HLCS: variants seen among roughly 807,000 people sequenced by gnomAD.
The protein encoded by HLCS is holocarboxylase synthetase.
A neutral mutation model predicts 75.0 loss-of-function variants in HLCS; 53 were observed. The ratio of observed to expected loss-of-function variants is 0.71; its 90% CI spans 0.57 to 0.89. The LOEUF (loss-of-function observed/expected upper bound fraction) is 0.89. Among genes scored for constraint, HLCS ranks in the 40% least tolerant of loss-of-function variants. HLCS has a pLI of 0.00. For synonymous variants in HLCS, 431 were observed against 428.6 expected (o/e 1.01, Z -0.07); for missense variants, 966 against 1,074.0 (o/e 0.90, Z 1.41).
intron 5 of HLCS, among the ~76,000 whole-genome samples, chr21:36,916,409 C>A (rs2065931937): frequency 6.6e-6 from 1 of 151,818 alleles, no homozygotes; most frequent in South Asian, 2.1e-4. Context: ...GTTCCTCAGG[C>A]TGGAGTGCAG....
At chr21:36,841,667 G>C (rs552742352) in intron 6 of HLCS, among the ~76,000 whole-genome samples, 4 of 152,324 alleles carry the variant, frequency 2.6e-5, no homozygotes, top group East Asian at 1.9e-4. Flanking sequence ...CTGTAAAATG[G>C]GGATAATGCA....
At chr21:36,947,815 T>A (rs1268051158) in intron 2 of HLCS, 1 of 985,356 alleles carries the variant, frequency 1.0e-6, no homozygotes, top group Non-Finnish European at 1.2e-6. Flanking sequence ...GCAGCAGCTC[T>A]GCAGTGAGTG....
chr21:36,890,643 A>G (rs1344022127), intron 6 of HLCS, among the ~76,000 whole-genome samples: 2 of 152,094 alleles, frequency 1.3e-5, no homozygotes, highest in Non-Finnish European at 2.9e-5. Context: ...AGAGAGATCA[A>G]AAGAAAGCTC....
At chr21:36,974,299 C>A (rs1433109165) in intron 1 of HLCS, 1 of 152,374 alleles carries the variant, frequency 6.6e-6, no homozygotes, top group Non-Finnish European at 1.5e-5. Flanking sequence ...CACTAGAGGC[C>A]CCACGGCAGA....
chr21:36,947,472 G>A (rs2067460592), intron 2 of HLCS: 1 of 985,236 alleles, frequency 1.0e-6, no homozygotes, highest in African/African-American at 1.7e-5. Context: ...CCTTCCAGTG[G>A]ATAAAGGCAA....
At chr21:36,861,276 C>T (rs2063373279) in intron 6 of HLCS, among the ~76,000 whole-genome samples, 1 of 152,216 alleles carries the variant, frequency 6.6e-6, no homozygotes, top group Non-Finnish European at 1.5e-5. Context: ...AGAGACTGCC[C>T]TTTGCCCAGG....
intron 6 of HLCS, among the ~76,000 whole-genome samples, chr21:36,844,390 G>A (rs2146108955): frequency 1.3e-5 from 2 of 152,220 alleles, no homozygotes; most frequent in Middle Eastern, 6.8e-3. Context: ...GGGAGTATAT[G>A]GGAACTCTAT....
intron 1 of HLCS, among the ~76,000 whole-genome samples, chr21:36,977,784 A>G (rs2068981534): frequency 1.3e-5 from 2 of 152,170 alleles, no homozygotes; most frequent in South Asian, 2.1e-4. Flanking sequence ...CACAGCTCCA[A>G]TGCAGGAATA....
chr21:36,910,553 A>G (rs944943503), intron 5 of HLCS, among the ~76,000 whole-genome samples: 5 of 151,780 alleles, frequency 3.3e-5, no homozygotes, highest in African/African-American at 1.2e-4. Context: ...ATGGAAAAAA[A>G]AAAAAATGGC....
chr21:36,983,648 T>C (rs56145845), intron 1 of HLCS, among the ~76,000 whole-genome samples: 1 of 151,482 alleles, frequency 6.6e-6, no homozygotes, highest in Non-Finnish European at 1.5e-5. Flanking sequence ...CCATCCTGGT[T>C]AACATGGTGA....
At chr21:36,930,512 T>C in intron 4 of HLCS, 79 bp from the exon 5 acceptor site, 2 of 1,213,098 alleles carry the variant, frequency 1.6e-6, no homozygotes, top group Non-Finnish European at 2.4e-6. Context: ...TTCTTTTTCT[T>C]TTTTTTTTTA....
intron 5 of HLCS, among the ~76,000 whole-genome samples, chr21:36,919,767 G>A (rs748307425): frequency 7.9e-5 from 12 of 152,112 alleles, no homozygotes; most frequent in Non-Finnish European, 1.3e-4. Flanking sequence ...AAAGCAGATA[G>A]CAAAACATTA....
intron 6 of HLCS, among the ~76,000 whole-genome samples, chr21:36,850,133 T>A (rs1280735854): frequency 6.6e-6 from 1 of 152,192 alleles, no homozygotes. Context: ...CAGAAAACAT[T>A]CTGTGTGGCA....
intron 5 of HLCS, among the ~76,000 whole-genome samples, chr21:36,900,574 G>A (rs1011462444): frequency 2.0e-4 from 31 of 152,146 alleles, no homozygotes; most frequent in Admixed American, 8.5e-4. Context: ...TTCTGGGGAA[G>A]GTCGTGGGAT....
intron 5 of HLCS, among the ~76,000 whole-genome samples, chr21:36,903,414 C>T (rs1601688148): frequency 1.3e-5 from 2 of 152,258 alleles, no homozygotes; most frequent in South Asian, 4.1e-4. Flanking sequence ...ATCACTTTCC[C>T]CAGGGCAGCT....
intron 6 of HLCS, among the ~76,000 whole-genome samples, chr21:36,885,380 C>T (rs917337744): frequency 3.3e-5 from 5 of 151,868 alleles, no homozygotes; most frequent in African/African-American, 9.7e-5. Flanking sequence ...TGGTGGCTCA[C>T]GCCTGTGGTC....
chr21:36,929,829 C>A (rs2073423), intron 5 of HLCS, among the ~76,000 whole-genome samples: 1 of 152,212 alleles, frequency 6.6e-6, no homozygotes, highest in Non-Finnish European at 1.5e-5. Flanking sequence ...CTGTCAGACA[C>A]GACTCACAGA....
intron 6 of HLCS, among the ~76,000 whole-genome samples, chr21:36,839,544 G>A (rs924681616): frequency 1.3e-5 from 2 of 152,072 alleles, no homozygotes; most frequent in Non-Finnish European, 2.9e-5. Flanking sequence ...AAGGACTGAG[G>A]GAGAGCAGAT....
chr21:36,759,143 G>A, intron 9 of HLCS: 1 of 471,140 alleles, frequency 2.1e-6, no homozygotes, highest in South Asian at 1.5e-5. Flanking sequence ...GCTGGTTTCT[G>A]AACACAGATT....
Sources: gnomAD v4.1 joint callset for allele counts (sites outside exome capture counted in the v4.1 genomes callset) on GRCh38, gnomAD v4.1.1 for gene constraint, MANE v1.5 for transcripts, NCBI Gene and HGNC (gene_info 2026-07-23, HGNC 2026-07-21) for gene names.